Variants in TUBGCP6 observed in about 807,000 individuals in gnomAD.
TUBGCP6 encodes gamma-tubulin complex component 6.
TUBGCP6 carries 161 observed loss-of-function variants against 175.8 expected under a neutral mutation model. The observed-to-expected ratio is 0.92, with a 90% confidence interval of 0.81 to 1.04. TUBGCP6 has a LOEUF of 1.04. TUBGCP6 is among the 50% of genes least tolerant of loss of function. TUBGCP6 has a pLI of 0.00. For missense variants in TUBGCP6, 2,572 were observed against 2,433.0 expected (o/e 1.06, Z -1.20); for synonymous variants, 1,173 against 1,030.5 (o/e 1.14, Z -2.65).
chr22:50,230,943 G>A lies in TUBGCP6; in HGVS notation c.1117-1366C>T, dbSNP rs545390422. On this transcript the variant is annotated intron_variant, in intron 3 of 24. Transcript: ENST00000248846. ...TAATAAAAACAAAAATTAGCTGGGC[G>A]AGGTAGTGCACGCCTATAATCCCAG... Among the ~76,000 whole-genome samples the A allele has an allele frequency of 1.3e-4, 20 of 150,106 alleles. No individual in the cohort carries two copies. The South Asian group carries it at 4.0e-3, about 30-fold the overall frequency.
intron 2 of TUBGCP6, 135 bp from the exon 3 acceptor site, chr22:50,233,661 C>G: frequency 1.1e-6 from 1 of 880,206 alleles, no homozygotes; most frequent in South Asian, 1.7e-5. Flanking sequence ...AGAAACATAG[C>G]CAGGTATGAA....
rs144571651 is a variant in TUBGCP6, at chr22:50,224,557, G to A, written c.2019C>T (p.Ile673=). 82 of 1,614,116 alleles carry A rather than the reference G, an allele frequency of 5.1e-5. No individual in the cohort carries two copies. The highest frequency in any genetic ancestry group is 5.0e-4 in the Middle Eastern group (3 of 6,058). The change falls in exon 11 of 25, where the codon ATC becomes ATT. Residue 673 remains isoleucine (I), a synonymous_variant. Coordinates refer to ENST00000248846, the MANE Select transcript of TUBGCP6 (RefSeq NM_020461.4). The part of the protein sequence containing the change: ...LRMEIAKQEL[I]AHAREAASRV... ...TGGATGCTGCTTCCCGGGCATGAGC[G>A]ATTAATTCTTGTTTTGCAATTTCCA...
At position 50,218,389 on chromosome 22, in the gene TUBGCP6, G is replaced by C; in HGVS notation, c.4968C>G (p.His1656Gln). The C allele has an allele frequency of 6.2e-7, 1 of 1,613,080 alleles. No homozygotes were observed. Among genetic ancestry groups the C allele is most frequent in the South Asian group, 1.1e-5 (1 of 91,086 alleles). The change falls in exon 23 of 25, where the codon CAC (histidine) becomes CAG (glutamine). Residue 1656 changes from histidine to glutamine, a missense_variant. Physicochemically the swap from His to Gln is conservative, Grantham distance 24. Coordinates refer to ENST00000248846, the MANE Select transcript of TUBGCP6 (RefSeq NM_020461.4). ...GACGGAACTGCACAGAGCCGGCCAT[G>C]TGGCTCAGCAGGGCTGGCGGAGGGC... Reference protein sequence around the residue: ...FHLKRTALLSHMAGSVQFRQL... With the variant: ...FHLKRTALLSQMAGSVQFRQL...
rs775151615 is a variant in TUBGCP6 at position 50,219,074 on chromosome 22, A to G, written c.4620T>C (p.Phe1540=). The G allele has an allele frequency of 1.8e-5, 29 of 1,612,078 alleles. No homozygotes were observed. ...EFAQSLSDLL[F]EKLGAGQTPG... Reference sequence around the variant, plus strand: ...CCCCGTGTCCGGAGGCCACCTTCTCAAAGAGCAGGTCGCTGAGGGACTGGG... The same window carrying G: ...CCCCGTGTCCGGAGGCCACCTTCTCGAAGAGCAGGTCGCTGAGGGACTGGG... The change falls in exon 20 of 25, where the codon TTT becomes TTC. Residue 1540 remains phenylalanine (F), a synonymous_variant. Transcript: ENST00000248846.
chr22:50,222,608 A>G lies in TUBGCP6; in HGVS notation c.2271-16T>C, dbSNP rs2064547520. ...CAGTGCCTGCCTGAAGCCACACACC[A>G]GAGAGGACACGGCCACAAGAGTCAC... On this transcript the variant is annotated splice_polypyrimidine_tract_variant and intron_variant, in intron 13 of 24. Transcript: ENST00000248846. 2 of 1,608,344 alleles carry G rather than the reference A, an allele frequency of 1.2e-6. No homozygotes were observed. Among genetic ancestry groups the G allele is most frequent in the Non-Finnish European group, 1.7e-6 (2 of 1,179,504 alleles).
At chr22:50,219,256 G>T in intron 19 of TUBGCP6, 32 bp downstream of exon 19, 2 of 1,610,288 alleles carry the variant, frequency 1.2e-6, no homozygotes. Flanking sequence ...CGGGCTGGGT[G>T]GGCAGACTGG....
In TUBGCP6 at chr22:50,245,002, C is replaced by G. The variant is rs972569460; in HGVS notation, c.-543G>C. 1 of 227,422 alleles carries G rather than the reference C, an allele frequency of 4.4e-6. No individual in the cohort carries two copies. Among genetic ancestry groups the G allele is most frequent in the Non-Finnish European group, 8.7e-6 (1 of 114,424 alleles). 14.1% of individuals were successfully genotyped at this position (227,422 alleles called of 1,614,324 possible). ...CGGCTGCCGCTCTCGCCGCCTCCGT[C>G]GCGTCACAGCCGCGCCAGTGTGAAG... On this transcript the variant is annotated 5_prime_UTR_variant, in exon 1 of 25. Transcript: ENST00000248846.
In TUBGCP6 at chr22:50,224,576, A is replaced by T; in HGVS notation, c.2000T>A (p.Ile667Asn). 1 of 1,614,004 alleles carries T rather than the reference A, an allele frequency of 6.2e-7. No homozygotes were observed. Among genetic ancestry groups the T allele is most frequent in the Admixed American group, 1.7e-5 (1 of 60,014 alleles). The change falls in exon 11 of 25, where the codon ATT becomes AAT. Residue 667 changes from isoleucine to asparagine, a missense_variant. Physicochemically the swap from Ile to Asn is moderately radical, Grantham distance 149 (BLOSUM62 -3). Coordinates refer to ENST00000248846, the MANE Select transcript of TUBGCP6 (RefSeq NM_020461.4). ...ATGAGCGATTAATTCTTGTTTTGCA[A>T]TTTCCATACGTAATTCCTGAGAAAG... ...SKEEKELRME[I>N]AKQELIAHAR...
Position 50,226,289 on chromosome 22 carries a change from C to T in TUBGCP6, c.1691G>A (p.Arg564Gln), listed in dbSNP as rs577820974. ...IQVNHEYLSF[R>Q]DKLYWTHGYV... is the part of the protein sequence containing the mutation. ...CCCCGCAATCAGCTGCCACCTACCT[C>T]GGAAGCTGAGGTACTCGTGGTTCAC... is the stretch of plus-strand genomic sequence containing the variant. Residue 564 changes from arginine (R) to glutamine (Q), a missense_variant and splice_region_variant, in exon 8 of 25, where the codon CGA becomes CAA. Coordinates refer to ENST00000248846, the MANE Select transcript of TUBGCP6 (RefSeq NM_020461.4). 7.4e-6 allele frequency: 12 copies of T among 1,613,886 alleles called. No individual in the cohort carries two copies. Among genetic ancestry groups the T allele is most frequent in the East Asian group, 4.5e-5 (2 of 44,882 alleles).
Position 50,220,471 on chromosome 22 carries a change from GCT to G in TUBGCP6, c.3886_3887del (p.Ser1296ProfsTer71). 6.2e-7 allele frequency: 1 copy of G among 1,613,044 alleles called. No individual in the cohort carries two copies. Among genetic ancestry groups the G allele is most frequent in the Non-Finnish European group, 8.5e-7 (1 of 1,179,956 alleles). On this transcript the variant is annotated frameshift_variant, in exon 16 of 25. Transcript: ENST00000248846. LOFTEE classifies it high-confidence loss of function. ...AEPNTPRPQQ[S>X]PPGHTSQSAL... ...CTGACTGGGACGTGTGGCCAGGGGGGCTCTGTTGGGGCCTGGGTGTGTTGGGC... is the reference window on the plus strand; with the variant it reads ...CTGACTGGGACGTGTGGCCAGGGGGGCTGTTGGGGCCTGGGTGTGTTGGGC...
intron 2 of TUBGCP6, among the ~76,000 whole-genome samples, chr22:50,233,795 G>A (rs561301847): frequency 1.3e-3 from 199 of 152,234 alleles, no homozygotes; most frequent in Non-Finnish European, 2.3e-3. Context: ...GGGCATGGCC[G>A]GGGGTATCCG....
Position 50,219,730 on chromosome 22 carries a change from TCCG to T in TUBGCP6, c.4226_4228del (p.Ala1409del). 6.2e-7 allele frequency: 1 copy of T among 1,613,628 alleles called. No individual in the cohort carries two copies. Among genetic ancestry groups the T allele is most frequent in the Non-Finnish European group, 8.5e-7 (1 of 1,179,980 alleles). On this transcript the variant is annotated inframe_deletion, in exon 18 of 25. Coordinates refer to ENST00000248846, the MANE Select transcript of TUBGCP6 (RefSeq NM_020461.4). ...GTAGGCCTGCTCCCCACCCTGAGCC[TCCG>T]CCGCCGATGCCTCCGCCTCCTCACC...
chr22:50,242,241 A>C (rs2064848853), intron 1 of TUBGCP6, among the ~76,000 whole-genome samples: 1 of 152,082 alleles, frequency 6.6e-6, no homozygotes, highest in Non-Finnish European at 1.5e-5. Flanking sequence ...GCAGTGAGCC[A>C]AGATTGTGCC....
At chr22:50,218,976 CA>C in intron 20 of TUBGCP6, 79 bp from the exon 21 acceptor site, 1 of 1,589,834 alleles carries the variant, frequency 6.3e-7, no homozygotes, top group Non-Finnish European at 8.6e-7. Context: ...GGGGCTGTGC[CA>C]GAGCAGCAGG....
chr22:50,240,406 G>C (rs746969352), intron 1 of TUBGCP6, 39 bp from the exon 2 acceptor site: 46 of 1,611,942 alleles, frequency 2.9e-5, no homozygotes, highest in Non-Finnish European at 3.6e-5. Context: ...ACTTATTGCT[G>C]TGTCCACGTT....
At chr22:50,224,805 G>A (rs929555256) in intron 10 of TUBGCP6, among the ~76,000 whole-genome samples, 2 of 152,098 alleles carry the variant, frequency 1.3e-5, no homozygotes, top group African/African-American at 4.8e-5. Flanking sequence ...TATTTGGCGG[G>A]GGTCAGGGGA....
rs751080348 is a variant in TUBGCP6 at position 50,220,731 on chromosome 22, G to A, written c.3628C>T (p.Pro1210Ser). The A allele has an allele frequency of 1.9e-6, 3 of 1,611,200 alleles. No homozygotes were observed. Among genetic ancestry groups the A allele is most frequent in the Middle Eastern group, 1.7e-4 (1 of 6,044 alleles). Residue 1210 changes from proline to serine, a missense_variant, in exon 16 of 25, where the codon CCA becomes TCA. Physicochemically the swap from Pro to Ser is moderately conservative, Grantham distance 74. Transcript: ENST00000248846. ...ESVSDMAPTR[P>S]RWNTHGHVSD... The stretch of plus-strand genomic sequence containing the variant: ...ACATGTCCGTGGGTGTTCCACCGTG[G>A]CCGGGTGGGAGCCATGTCTGACACA...
intron 4 of TUBGCP6, among the ~76,000 whole-genome samples, chr22:50,228,297 TTCCTCTCATCTGAGCCCAGCTGCCCC>T (rs2064642933): frequency 6.7e-6 from 1 of 148,520 alleles, no homozygotes; most frequent in Non-Finnish European, 1.5e-5. Flanking sequence ...CCACCAACCC[TTCCTCTCATCTGAGCCCAGCTGCCCC>T]AGGGGCGCCC....
chr22:50,227,879 C>T (rs888589823), intron 5 of TUBGCP6, 28 bp downstream of exon 5: 2 of 1,565,134 alleles, frequency 1.3e-6, no homozygotes, highest in Admixed American at 1.9e-5. Context: ...CGCAAAGTCC[C>T]CTGCTCAGCC....
Sources: gnomAD v4.1 joint callset for allele counts (sites outside exome capture counted in the v4.1 genomes callset) on GRCh38, gnomAD v4.1.1 for gene constraint, MANE v1.5 for transcripts, NCBI Gene and HGNC (gene_info 2026-07-23, HGNC 2026-07-21) for gene names.